Variants in NBAS observed in about 807,000 individuals in gnomAD.
The protein encoded by NBAS is NAG/BC035112 fusion.
Under a neutral mutation model 302.5 loss-of-function variants are expected in NBAS, and 219 were observed. The ratio of observed to expected loss-of-function variants is 0.72; its 90% confidence interval spans 0.65 to 0.81. The LOEUF (loss-of-function observed/expected upper bound fraction) is 0.81. Among genes scored for constraint, NBAS ranks in the 30% least tolerant of loss-of-function variants. The pLI is 0.00. For synonymous variants in NBAS, 1,118 were observed against 1,021.6 expected (o/e 1.09, Z -1.80); for missense variants, 2,932 against 2,841.6 (o/e 1.03, Z -0.72).
Position 15,523,226 on chromosome 2 carries a change from T to A in NBAS, c.746+11317A>T, listed in dbSNP as rs79104956. Among the ~76,000 whole-genome samples the A allele has an allele frequency of 1.8e-4, 28 of 152,320 alleles. No individual in the cohort carries two copies. The East Asian group carries it at 5.4e-3, about 29-fold the overall frequency. ...ACATGAGAACCTCGAGAGATTACTT[T>A]TTACTATGATACGCAATTTCCCGGA... On this transcript the variant is annotated intron_variant, in intron 9 of 51. Coordinates refer to ENST00000281513, the MANE Select transcript of NBAS (RefSeq NM_015909.4).
At chr2:15,091,155 C>A in the NBAS span, among the ~76,000 whole-genome samples, 3 of 152,164 alleles carry the variant, frequency 2.0e-5, no homozygotes, top group East Asian at 3.8e-4. Flanking sequence ...GGCTGTCTGT[C>A]GGTTAATACG....
chr2:15,401,493 A>G (rs1441143372), intron 26 of NBAS, among the ~76,000 whole-genome samples: 1 of 152,278 alleles, frequency 6.6e-6, no homozygotes, highest in African/African-American at 2.4e-5. Context: ...TGACCAAAGA[A>G]GTAAAGTGAC....
At chr2:15,549,706 C>T (rs1215691940) in intron 6 of NBAS, among the ~76,000 whole-genome samples, 3 of 151,534 alleles carry the variant, frequency 2.0e-5, no homozygotes, top group Admixed American at 1.3e-4. Flanking sequence ...CCAGCCTGAG[C>T]GAAAGACTGA....
At chr2:15,089,242 A>G in the NBAS span, among the ~76,000 whole-genome samples, 1 of 152,112 alleles carries the variant, frequency 6.6e-6, no homozygotes, top group Non-Finnish European at 1.5e-5. Context: ...TCGGCCTCCC[A>G]GAGTGCAAGG....
chr2:15,289,097 G>A (rs1011729379), intron 41 of NBAS, among the ~76,000 whole-genome samples: 2 of 151,744 alleles, frequency 1.3e-5, no homozygotes, highest in African/African-American at 2.4e-5. Flanking sequence ...TATTTTTTGC[G>A]ACAGGGTCTT....
At chr2:15,205,070 A>C (rs563898952) in intron 48 of NBAS, among the ~76,000 whole-genome samples, 29 of 152,322 alleles carry the variant, frequency 1.9e-4, no homozygotes, top group Non-Finnish European at 3.7e-4. Context: ...TAAGATATAA[A>C]TAGAATAAAA....
At chr2:15,396,010 A>C (rs1192790336) in intron 27 of NBAS, among the ~76,000 whole-genome samples, 1 of 152,164 alleles carries the variant, frequency 6.6e-6, no homozygotes, top group African/African-American at 2.4e-5. Context: ...TTAGCGTAAT[A>C]AACATTGTCT....
At chr2:15,284,269 A>T (rs977045254) in intron 42 of NBAS, among the ~76,000 whole-genome samples, 1 of 152,214 alleles carries the variant, frequency 6.6e-6, no homozygotes, top group African/African-American at 2.4e-5. Flanking sequence ...AGCTGTGATC[A>T]TATGTCAGAT....
At chr2:15,487,577 T>A (rs796730335) in intron 12 of NBAS, among the ~76,000 whole-genome samples, 7 of 152,334 alleles carry the variant, frequency 4.6e-5, no homozygotes, top group African/African-American at 1.7e-4. Flanking sequence ...GGGTCAACTG[T>A]GTCAGTGATA....
the NBAS span, among the ~76,000 whole-genome samples, chr2:15,106,120 C>A: frequency 1.3e-5 from 2 of 152,252 alleles, no homozygotes; most frequent in African/African-American, 4.8e-5. Flanking sequence ...ATTAACACTG[C>A]AAGCTCTAAA....
chr2:14,829,409 A>G, the NBAS span, among the ~76,000 whole-genome samples: 5 of 152,310 alleles, frequency 3.3e-5, no homozygotes, highest in Admixed American at 6.5e-5. Flanking sequence ...GAAAGTATAA[A>G]GAATACATAG....
chr2:15,471,977 T>C (rs1572898669), intron 16 of NBAS, among the ~76,000 whole-genome samples: 1 of 152,220 alleles, frequency 6.6e-6, no homozygotes, highest in East Asian at 1.9e-4. Context: ...CTAAAACTAA[T>C]TGAGACAAGA....
chr2:15,532,446 G>A lies in NBAS; in HGVS notation c.746+2097C>T, dbSNP rs528124118. Among the ~76,000 whole-genome samples the A allele has an allele frequency of 3.6e-5, 5 of 137,920 alleles. No individual in the cohort carries two copies. In the South Asian group the frequency reaches 6.9e-4, roughly 19 times the overall value. The allele number at this position is 137,920 out of a possible 152,430, so 90.5% of individuals were successfully genotyped here. ...AGAGCTTGCAGTGAGCCGAGATTGCGCCACTGCACTCCAGCCTGGGCGGCA... is the reference window on the plus strand; with the variant it reads ...AGAGCTTGCAGTGAGCCGAGATTGCACCACTGCACTCCAGCCTGGGCGGCA... On this transcript the variant is annotated intron_variant, in intron 9 of 51. Transcript: ENST00000281513.
intron 6 of NBAS, among the ~76,000 whole-genome samples, chr2:15,547,445 C>T (rs1350290473): frequency 6.6e-6 from 1 of 152,174 alleles, no homozygotes; most frequent in Non-Finnish European, 1.5e-5. Flanking sequence ...CAGAAGCCAA[C>T]AAAATAAAAC....
At chr2:15,153,118 G>C in the NBAS span, among the ~76,000 whole-genome samples, 3 of 152,172 alleles carry the variant, frequency 2.0e-5, no homozygotes, top group East Asian at 5.8e-4. Context: ...ATTTCCAAAA[G>C]TGGAGGCAGA....
At chr2:14,808,403 G>A in the NBAS span, among the ~76,000 whole-genome samples, 5 of 152,174 alleles carry the variant, frequency 3.3e-5, no homozygotes, top group East Asian at 1.9e-4. Context: ...TAATTCTCAC[G>A]TGTTGTGGGA....
rs144818582 is a variant in NBAS, at chr2:15,183,460, C to T, written c.6711+3282G>A. Among the ~76,000 whole-genome samples, 455 of 152,302 alleles carry T rather than the reference C, an allele frequency of 3.0e-3. 3 individuals carry two copies. Among genetic ancestry groups the T allele is most frequent in the African/African-American group, 0.01 (424 of 41,566 alleles). ...TTTGCAACGGGATTTAACCCAGTAC[C>T]TTGTCTCTCATCCCGAGAGAATTAC... On this transcript the variant is annotated intron_variant, in intron 50 of 51. Transcript: ENST00000281513.
At chr2:14,977,970 C>A in the NBAS span, among the ~76,000 whole-genome samples, 1 of 152,054 alleles carries the variant, frequency 6.6e-6, no homozygotes, top group African/African-American at 2.4e-5. Context: ...CTCTTCTTGC[C>A]GCTGAGGACA....
chr2:15,326,071 A>G (rs1351458954), intron 38 of NBAS, among the ~76,000 whole-genome samples: 3 of 152,220 alleles, frequency 2.0e-5, no homozygotes, highest in African/African-American at 7.2e-5. Flanking sequence ...TACATCTTAT[A>G]TTGGTGCAGT....
Sources: allele counts gnomAD v4.1 joint callset (sites outside exome capture counted in the v4.1 genomes callset), GRCh38; gene constraint gnomAD v4.1.1; transcripts MANE v1.5; gene names NCBI Gene and HGNC (gene_info 2026-07-23, HGNC 2026-07-21).